The following ATXN8OS variants were observed in gnomAD, a reference collection of about 807,000 sequenced individuals.
The protein encoded by ATXN8OS is ATXN8 opposite strand lncRNA.
chr13:70,118,705 A>G (rs1226424982), intron 2 of ATXN8OS, among the ~76,000 whole-genome samples: 2 of 152,208 alleles, frequency 1.3e-5, no homozygotes, highest in East Asian at 3.9e-4. Flanking sequence ...TGTATTATAA[A>G]ATAGACTTAA....
intron 3 of ATXN8OS, among the ~76,000 whole-genome samples, chr13:70,136,332 T>A (rs1888613581): frequency 1.3e-5 from 2 of 152,176 alleles, no homozygotes; most frequent in African/African-American, 2.4e-5. Flanking sequence ...ATTTTTTAAT[T>A]TAATAATACA....
intron 1 of ATXN8OS, among the ~76,000 whole-genome samples, chr13:70,111,452 G>C (rs1050274371): frequency 2.0e-5 from 3 of 152,102 alleles, no homozygotes; most frequent in African/African-American, 4.8e-5. Context: ...ATGGCAATGG[G>C]GTTAAGCATG....
At chr13:70,163,477 C>A (rs1889035216) in intron 4 of ATXN8OS, among the ~76,000 whole-genome samples, 1 of 152,022 alleles carries the variant, frequency 6.6e-6, no homozygotes, top group Admixed American at 6.6e-5. Context: ...CAAGGTTTCC[C>A]TGCTGGTCTT....
chr13:70,156,408 T>C (rs1888937138), intron 4 of ATXN8OS, among the ~76,000 whole-genome samples: 2 of 152,192 alleles, frequency 1.3e-5, no homozygotes, highest in African/African-American at 4.8e-5. Flanking sequence ...TACACTATAA[T>C]CATTTTACTT....
intron 3 of ATXN8OS, among the ~76,000 whole-genome samples, chr13:70,138,034 T>C (rs909737096): frequency 2.0e-5 from 3 of 152,290 alleles, no homozygotes; most frequent in African/African-American, 7.2e-5. Context: ...GAACTTATTA[T>C]CACGAGAACA....
At chr13:70,141,903 C>T (rs1335753832) in intron 3 of ATXN8OS, among the ~76,000 whole-genome samples, 1 of 151,590 alleles carries the variant, frequency 6.6e-6, no homozygotes, top group East Asian at 1.9e-4. Context: ...ATTGTTGAAA[C>T]AGAGTTTTTT....
At chr13:70,132,873 T>C (rs754771459) in intron 3 of ATXN8OS, among the ~76,000 whole-genome samples, 1 of 151,516 alleles carries the variant, frequency 6.6e-6, no homozygotes, top group Non-Finnish European at 1.5e-5. Flanking sequence ...TTTTTTTGCA[T>C]GTGCAAAGTC....
chr13:70,143,008 G>T (rs1288631619), intron 3 of ATXN8OS, among the ~76,000 whole-genome samples: 1 of 151,758 alleles, frequency 6.6e-6, no homozygotes, highest in Non-Finnish European at 1.5e-5. Context: ...GGGAGGCAGA[G>T]GTTGCCGTGA....
At chr13:70,144,310 G>C (rs908260936) in intron 3 of ATXN8OS, among the ~76,000 whole-genome samples, 1 of 151,946 alleles carries the variant, frequency 6.6e-6, no homozygotes, top group Non-Finnish European at 1.5e-5. Context: ...CCCTCTTTGC[G>C]TGACCTGTAA....
chr13:70,118,651 C>T (rs903394527), intron 2 of ATXN8OS, among the ~76,000 whole-genome samples: 4 of 151,966 alleles, frequency 2.6e-5, no homozygotes, highest in East Asian at 3.9e-4. Flanking sequence ...AACTTTTCTA[C>T]ACTTATGTTA....
At chr13:70,153,014 C>CTGTGTGTGTG (rs66574752) in intron 4 of ATXN8OS, among the ~76,000 whole-genome samples, 3,248 of 141,744 alleles carry the variant, frequency 0.023, 41 homozygotes, top group African/African-American at 0.037. Flanking sequence ...TAAGAAAAAA[C>CTGTGTGTGTG]TGTGTGTGTG....
At chr13:70,114,897 G>A (rs979634579) in intron 1 of ATXN8OS, among the ~76,000 whole-genome samples, 2 of 151,698 alleles carry the variant, frequency 1.3e-5, no homozygotes, top group African/African-American at 4.8e-5. Flanking sequence ...TAAAATTAAC[G>A]TATGAGAACT....
chr13:70,141,881 A>AT (rs201655418), intron 3 of ATXN8OS, among the ~76,000 whole-genome samples: 455 of 151,758 alleles, frequency 3.0e-3, no homozygotes, highest in African/African-American at 9.8e-3. Flanking sequence ...TGTATATATA[A>AT]TTTTTTTTGT....
intron 4 of ATXN8OS, among the ~76,000 whole-genome samples, chr13:70,161,412 G>C (rs1382942927): frequency 6.6e-6 from 1 of 152,034 alleles, no homozygotes; most frequent in Non-Finnish European, 1.5e-5. Flanking sequence ...GTAGATGTCA[G>C]GACTTGCTTT....
chr13:70,128,520 G>T (rs1888477706), intron 2 of ATXN8OS, among the ~76,000 whole-genome samples: 1 of 150,864 alleles, frequency 6.6e-6, no homozygotes, highest in Non-Finnish European at 1.5e-5. Flanking sequence ...ATTAAGATGA[G>T]CTTCTATTGA....
intron 3 of ATXN8OS, chr13:70,139,380 A>ACTACTACTACTACTACTACTGCTACTG: frequency 1.7e-6 from 1 of 574,178 alleles, no homozygotes; most frequent in East Asian, 3.1e-5. Flanking sequence ...TACTACTACT[A>ACTACTACTACTACTACTACTGCTACTG]CTACTGCTGC....
At chr13:70,131,601 G>T (rs1006616563) in intron 3 of ATXN8OS, 4 of 397,214 alleles carry the variant, frequency 1.0e-5, no homozygotes, top group African/African-American at 6.2e-5. Flanking sequence ...ACTTCCCTCA[G>T]TTCAGTTCAT....
At chr13:70,127,810 T>C (rs990855024) in intron 2 of ATXN8OS, among the ~76,000 whole-genome samples, 5 of 152,016 alleles carry the variant, frequency 3.3e-5, no homozygotes, top group African/African-American at 1.2e-4. Flanking sequence ...GTTTTCAGAA[T>C]TATCCAAGCA....
At chr13:70,156,090 AT>A (rs1170207444) in intron 4 of ATXN8OS, among the ~76,000 whole-genome samples, 1 of 152,066 alleles carries the variant, frequency 6.6e-6, no homozygotes, top group African/African-American at 2.4e-5. Context: ...ACAGAAAGAA[AT>A]TTTTTGATAT....
Sources: gnomAD v4.1 joint callset for allele counts (sites outside exome capture counted in the v4.1 genomes callset) on GRCh38, gnomAD v4.1.1 for gene constraint, MANE v1.5 for transcripts, NCBI Gene and HGNC (gene_info 2026-07-23, HGNC 2026-07-21) for gene names.